Variants in ROR1 observed in about 807,000 individuals in gnomAD.
ROR1 encodes ROR family WNT receptor 1.
A neutral mutation model predicts 78.8 loss-of-function variants in ROR1; 19 were observed. The ratio of observed to expected loss-of-function variants is 0.24; its 90% CI spans 0.17 to 0.35. ROR1 has a LOEUF of 0.35. Ranked by LOEUF, ROR1 falls within the 10% of genes least tolerant of loss-of-function variation. The pLI is 1.00. For missense variants in ROR1, 917 were observed against 1,177.8 expected, an observed-to-expected ratio of 0.78 and a Z score of 3.24; for synonymous variants, 386 against 433.6, an observed-to-expected ratio of 0.89 and a Z score of 1.36.
chr1:64,056,831 G>T (rs1458594168), intron 4 of ROR1, among the ~76,000 whole-genome samples: 1 of 152,028 alleles, frequency 6.6e-6, no homozygotes, highest in Non-Finnish European at 1.5e-5. Flanking sequence ...GGAAATGTTT[G>T]TTCAAACTTT....
At chr1:63,821,515 A>C (rs1644923345) in intron 1 of ROR1, among the ~76,000 whole-genome samples, 1 of 152,206 alleles carries the variant, frequency 6.6e-6, no homozygotes, top group Non-Finnish European at 1.5e-5. Context: ...GGAAACTGAG[A>C]GCACCCGTGT....
intron 1 of ROR1, among the ~76,000 whole-genome samples, chr1:63,868,410 G>A (rs1269003276): frequency 6.6e-6 from 1 of 152,116 alleles, no homozygotes; most frequent in Non-Finnish European, 1.5e-5. Context: ...GGGAGGCTGG[G>A]CCATAGGATA....
At chr1:64,133,365 C>T (rs1056373698) in intron 4 of ROR1, among the ~76,000 whole-genome samples, 1 of 152,200 alleles carries the variant, frequency 6.6e-6, no homozygotes, top group African/African-American at 2.4e-5. Flanking sequence ...TGCAGAACAG[C>T]ATTTCCTTTC....
At chr1:64,060,289 G>T (rs863087) in intron 4 of ROR1, among the ~76,000 whole-genome samples, 130,380 of 152,150 alleles carry the variant, frequency 0.86, 55,943 homozygotes, top group East Asian at 0.93. Flanking sequence ...ATTACTAACA[G>T]TATCATCATC....
At chr1:63,845,049 G>A (rs538554217) in intron 1 of ROR1, among the ~76,000 whole-genome samples, 2 of 152,252 alleles carry the variant, frequency 1.3e-5, no homozygotes, top group South Asian at 2.1e-4. Context: ...TGCTTTGTGA[G>A]TTATAATTTA....
chr1:64,055,399 G>T (rs1254350504), intron 4 of ROR1, among the ~76,000 whole-genome samples: 1 of 152,170 alleles, frequency 6.6e-6, no homozygotes, highest in African/African-American at 2.4e-5. Context: ...TTTCTCCTAG[G>T]CTCTAAGAAG....
chr1:64,032,585 C>G (rs1216633988), intron 2 of ROR1, among the ~76,000 whole-genome samples: 1 of 152,100 alleles, frequency 6.6e-6, no homozygotes, highest in African/African-American at 2.4e-5. Context: ...GAGGTGGGAC[C>G]AGACTCCATC....
intron 1 of ROR1, among the ~76,000 whole-genome samples, chr1:63,891,325 G>A (rs1645393965): frequency 6.6e-6 from 1 of 152,194 alleles, no homozygotes; most frequent in Non-Finnish European, 1.5e-5. Context: ...AAAGAGGGAT[G>A]TGAAAATATT....
At chr1:63,935,505 A>C (rs934384882) in intron 1 of ROR1, among the ~76,000 whole-genome samples, 2 of 152,088 alleles carry the variant, frequency 1.3e-5, no homozygotes, top group African/African-American at 2.4e-5. Flanking sequence ...CGGAAACCCC[A>C]AAAAGTTATT....
intron 1 of ROR1, among the ~76,000 whole-genome samples, chr1:63,968,805 C>T (rs773202514): frequency 3.3e-5 from 5 of 152,136 alleles, no homozygotes; most frequent in Non-Finnish European, 5.9e-5. Context: ...AACTTTTCTG[C>T]CAATGACCAC....
chr1:64,102,941 C>A (rs1030923375), intron 4 of ROR1, among the ~76,000 whole-genome samples: 5 of 152,116 alleles, frequency 3.3e-5, no homozygotes, highest in Admixed American at 3.3e-4. Context: ...CCAGCTGTCC[C>A]CTGGGATGAC....
At chr1:64,050,124 C>A in intron 3 of ROR1, 146 bp downstream of exon 3, 1 of 911,042 alleles carries the variant, frequency 1.1e-6, no homozygotes, top group Non-Finnish European at 1.6e-6. Context: ...ATGGTTGTAC[C>A]CATTTTACAA....
chr1:63,931,069 G>T (rs1645749166), intron 1 of ROR1, among the ~76,000 whole-genome samples: 1 of 152,166 alleles, frequency 6.6e-6, no homozygotes. Flanking sequence ...ATCAGTTGAG[G>T]TCAGGAGTTT....
At chr1:64,083,234 A>G (rs1647118485) in intron 4 of ROR1, among the ~76,000 whole-genome samples, 1 of 152,190 alleles carries the variant, frequency 6.6e-6, no homozygotes, top group African/African-American at 2.4e-5. Context: ...ATCATAGAAC[A>G]TGAAATAGAG....
intron 4 of ROR1, among the ~76,000 whole-genome samples, chr1:64,067,363 A>G (rs1646965067): frequency 6.7e-6 from 1 of 150,344 alleles, no homozygotes; most frequent in African/African-American, 2.5e-5. Flanking sequence ...AAATAAAATA[A>G]AATAAAAAGG....
Position 64,079,456 on chromosome 1 carries a change from G to A in ROR1, c.482+28740G>A, listed in dbSNP as rs72685148. On this transcript the variant is annotated intron_variant, in intron 4 of 8. Transcript: ENST00000371079. ...AGGTTGTCCCACTGTCTGAGCAAGA[G>A]AATCTTGATTGGGATTTTTTTTTTT... 4.2e-3 allele frequency among the ~76,000 whole-genome samples: 621 copies of A among 148,970 alleles called. 3 individuals are homozygous for A. The highest frequency in any genetic ancestry group is 9.0e-3 in the Admixed American group (128 of 14,298).
At chr1:63,830,685 C>T (rs1243495341) in intron 1 of ROR1, among the ~76,000 whole-genome samples, 1 of 152,128 alleles carries the variant, frequency 6.6e-6, no homozygotes, top group African/African-American at 2.4e-5. Flanking sequence ...TTACTCCTGG[C>T]CCCTTTCAAA....
chr1:63,822,502 G>T (rs1183037521), intron 1 of ROR1, among the ~76,000 whole-genome samples: 1 of 152,052 alleles, frequency 6.6e-6, no homozygotes, highest in Non-Finnish European at 1.5e-5. Context: ...GAGCAAAGAT[G>T]TAAAAAGAAA....
At chr1:64,039,612 C>G (rs1357120534) in intron 2 of ROR1, among the ~76,000 whole-genome samples, 1 of 152,208 alleles carries the variant, frequency 6.6e-6, no homozygotes, top group African/African-American at 2.4e-5. Flanking sequence ...ACAACTGTTG[C>G]ATTTGCATGA....
Sources: allele counts gnomAD v4.1 joint callset (sites outside exome capture counted in the v4.1 genomes callset), GRCh38; gene constraint gnomAD v4.1.1; transcripts MANE v1.5; gene names NCBI Gene and HGNC (gene_info 2026-07-23, HGNC 2026-07-21).